Variants in CSMD1 observed in about 807,000 individuals in gnomAD.
CSMD1 encodes CUB and Sushi multiple domains 1, also known as CUB and sushi domain-containing protein 1.
CSMD1 carries 213 observed loss-of-function variants against 417.5 expected under a neutral mutation model. The ratio of observed to expected loss-of-function variants is 0.51; its 90% CI spans 0.46 to 0.57. The LOEUF is 0.57. CSMD1 is among the 20% of genes least tolerant of loss of function. The probability of loss-of-function intolerance (pLI) is 0.00; values close to 1 mark genes in which losing one functional copy is unlikely to be tolerated. For synonymous variants in CSMD1, 2,862 were observed against 1,736.8 expected, an observed-to-expected ratio of 1.65 and a Z score of -16.11; for missense variants, 6,923 against 4,529.7, an observed-to-expected ratio of 1.53 and a Z score of -15.17.
intron 2 of CSMD1, among the ~76,000 whole-genome samples, chr8:4,437,542 T>C (rs1052410416): frequency 6.6e-6 from 1 of 152,214 alleles, no homozygotes; most frequent in African/African-American, 2.4e-5. Context: ...CATATTTATA[T>C]TACAGTTTCT....
intron 1 of CSMD1, among the ~76,000 whole-genome samples, chr8:4,725,968 T>G (rs975108852): frequency 6.6e-6 from 1 of 152,156 alleles, no homozygotes; most frequent in Non-Finnish European, 1.5e-5. Context: ...GTTATTAGGA[T>G]TTACAGTGGA....
At chr8:4,347,844 CAA>C (rs11309360) in intron 3 of CSMD1, among the ~76,000 whole-genome samples, 7 of 149,950 alleles carry the variant, frequency 4.7e-5, no homozygotes, top group African/African-American at 1.7e-4. Context: ...TTCAAAGAAA[CAA>C]AAAAAAACAG....
intron 52 of CSMD1, among the ~76,000 whole-genome samples, chr8:3,018,073 T>C (rs1358438150): frequency 6.6e-6 from 1 of 152,212 alleles, no homozygotes; most frequent in African/African-American, 2.4e-5. Flanking sequence ...TGTAGACATA[T>C]AGCATTTTAA....
chr8:4,389,811 A>G (rs1803721842), intron 3 of CSMD1, among the ~76,000 whole-genome samples: 1 of 151,648 alleles, frequency 6.6e-6, no homozygotes, highest in African/African-American at 2.4e-5. Flanking sequence ...CAACTACTTT[A>G]TTTAAAGTAC....
chr8:3,670,642 T>C (rs1318369527), intron 7 of CSMD1, among the ~76,000 whole-genome samples: 1 of 124,782 alleles, frequency 8.0e-6, no homozygotes, highest in African/African-American at 2.9e-5. Flanking sequence ...TATTTATATA[T>C]GAAGGATATA....
At chr8:4,354,902 G>GTGTA (rs1554442806) in intron 3 of CSMD1, among the ~76,000 whole-genome samples, 17 of 148,746 alleles carry the variant, frequency 1.1e-4, no homozygotes, top group African/African-American at 4.3e-4. Flanking sequence ...GTGTGTGTGT[G>GTGTA]TGTGTGTTAA....
intron 3 of CSMD1, among the ~76,000 whole-genome samples, chr8:4,285,984 C>A (rs1031750913): frequency 6.6e-6 from 1 of 152,156 alleles, no homozygotes; most frequent in South Asian, 2.1e-4. Context: ...AGTGAGTCAC[C>A]TTTACCTCTG....
chr8:3,405,305 C>G (rs1252823677), intron 15 of CSMD1, among the ~76,000 whole-genome samples: 6 of 152,064 alleles, frequency 3.9e-5, no homozygotes, highest in African/African-American at 1.2e-4. Flanking sequence ...AACATATACT[C>G]TAAGTAAACA....
chr8:4,180,173 A>T (rs1798279627), intron 3 of CSMD1, among the ~76,000 whole-genome samples: 1 of 152,160 alleles, frequency 6.6e-6, no homozygotes, highest in African/African-American at 2.4e-5. Flanking sequence ...ACTTGGAACC[A>T]ACCCAAATGT....
At chr8:3,592,571 T>C (rs977561451) in intron 8 of CSMD1, among the ~76,000 whole-genome samples, 2 of 152,176 alleles carry the variant, frequency 1.3e-5, no homozygotes, top group South Asian at 2.1e-4. Context: ...GGTTTAGAAA[T>C]GTTGCTTGAA....
intron 51 of CSMD1, among the ~76,000 whole-genome samples, chr8:3,028,469 G>C (rs923731685): frequency 1.3e-5 from 2 of 152,188 alleles, no homozygotes; most frequent in Admixed American, 6.5e-5. Flanking sequence ...ACAGGCTTCA[G>C]GCAGGGCTAT....
At chr8:4,306,460 C>A (rs1305259135) in intron 3 of CSMD1, among the ~76,000 whole-genome samples, 1 of 152,152 alleles carries the variant, frequency 6.6e-6, no homozygotes, top group Non-Finnish European at 1.5e-5. Context: ...TTTATCACCT[C>A]CATATTGTGA....
chr8:2,941,180 A>G (rs552584166), intron 69 of CSMD1, among the ~76,000 whole-genome samples: 2 of 152,348 alleles, frequency 1.3e-5, no homozygotes, highest in East Asian at 3.9e-4. Context: ...TCATTGAGTC[A>G]TATTCTTAAA....
At chr8:3,918,847 A>C (rs1442642512) in intron 5 of CSMD1, among the ~76,000 whole-genome samples, 1 of 152,078 alleles carries the variant, frequency 6.6e-6, no homozygotes, top group African/African-American at 2.4e-5. Flanking sequence ...AGATAATTAG[A>C]ATGACACAAT....
At chr8:4,163,846 T>G (rs774569699) in intron 3 of CSMD1, among the ~76,000 whole-genome samples, 1 of 152,292 alleles carries the variant, frequency 6.6e-6, no homozygotes, top group African/African-American at 2.4e-5. Context: ...AATTCAAAAA[T>G]TACTACTCTA....
At chr8:4,512,039 C>A (rs1482455681) in intron 2 of CSMD1, among the ~76,000 whole-genome samples, 1 of 152,090 alleles carries the variant, frequency 6.6e-6, no homozygotes, top group African/African-American at 2.4e-5. Flanking sequence ...CAAAAATCCT[C>A]AACAAAATAT....
chr8:3,113,996 T>C (rs1471747176), intron 42 of CSMD1, among the ~76,000 whole-genome samples: 3 of 152,110 alleles, frequency 2.0e-5, no homozygotes, highest in Non-Finnish European at 4.4e-5. Flanking sequence ...GGGAGGAGGA[T>C]CATTTGACCC....
intron 5 of CSMD1, among the ~76,000 whole-genome samples, chr8:3,983,221 C>T (rs901413761): frequency 6.6e-6 from 1 of 150,608 alleles, no homozygotes; most frequent in Non-Finnish European, 1.5e-5. Context: ...AGCTCCACCT[C>T]CCGGGTTCAC....
chr8:4,910,706 G>C (rs1266764991), intron 1 of CSMD1, among the ~76,000 whole-genome samples: 4 of 152,294 alleles, frequency 2.6e-5, no homozygotes, highest in African/African-American at 9.6e-5. Context: ...TGTGTTTTAA[G>C]ATATTCTTTG....
Sources: allele counts gnomAD v4.1 joint callset (sites outside exome capture counted in the v4.1 genomes callset), GRCh38; gene constraint gnomAD v4.1.1; transcripts MANE v1.5; gene names NCBI Gene and HGNC (gene_info 2026-07-23, HGNC 2026-07-21).